The following CLNK variants were observed in gnomAD, a reference collection of about 807,000 sequenced individuals.
The protein encoded by CLNK is cytokine-dependent hematopoietic cell linker.
In CLNK, 74 loss-of-function variants were observed where a neutral mutation model predicts 68.6. The observed-to-expected ratio is 1.08, with a 90% CI of 0.89 to 1.31. The LOEUF is 1.31. CLNK is among the 50% of genes most tolerant of loss of function. The pLI is 0.00. For synonymous variants in CLNK, 198 were observed against 172.2 expected (o/e 1.15, Z -1.17); for missense variants, 553 against 515.3 (o/e 1.07, Z -0.71).
chr4:10,683,843 C>T (rs988087774), intron 1 of CLNK, among the ~76,000 whole-genome samples: 7 of 152,168 alleles, frequency 4.6e-5, no homozygotes, highest in East Asian at 1.9e-4. Context: ...TGAGGAGCTG[C>T]GCCACAGTAT....
intron 4 of CLNK, among the ~76,000 whole-genome samples, chr4:10,582,477 T>A (rs533418183): frequency 9.2e-5 from 14 of 152,330 alleles, no homozygotes; most frequent in African/African-American, 2.9e-4. Context: ...TTATTATACG[T>A]GGAGGCTTAA....
intron 18 of CLNK, among the ~76,000 whole-genome samples, chr4:10,498,067 T>A (rs1483738698): frequency 6.6e-6 from 1 of 152,206 alleles, no homozygotes. Flanking sequence ...TGGTGGCGTA[T>A]GCCTGTAATC....
upstream of CLNK, among the ~76,000 whole-genome samples, chr4:10,688,485 C>T (rs372710411): frequency 6.6e-6 from 1 of 152,118 alleles, no homozygotes; most frequent in Non-Finnish European, 1.5e-5. Flanking sequence ...TTTCCTGGTT[C>T]TTGCATGGCC....
chr4:10,541,192 C>T (rs764458658), intron 10 of CLNK, among the ~76,000 whole-genome samples: 8 of 129,150 alleles, frequency 6.2e-5, no homozygotes, highest in African/African-American at 8.6e-5. Context: ...CCAGCCTGGG[C>T]GACAGAGCCA....
At chr4:10,509,620 G>A (rs1029553715) in intron 16 of CLNK, among the ~76,000 whole-genome samples, 7 of 151,728 alleles carry the variant, frequency 4.6e-5, no homozygotes, top group African/African-American at 7.3e-5. Flanking sequence ...TGCCTCTTGG[G>A]TTCCAGAAGT....
chr4:10,512,276 G>C (rs1472715894), intron 16 of CLNK, among the ~76,000 whole-genome samples: 1 of 151,814 alleles, frequency 6.6e-6, no homozygotes, highest in African/African-American at 2.4e-5. Context: ...TGTTGCCCAG[G>C]CTGGAGTGCA....
At chr4:10,729,891 G>A in the CLNK span, among the ~76,000 whole-genome samples, 3 of 152,124 alleles carry the variant, frequency 2.0e-5, no homozygotes. Context: ...GATGCATGTT[G>A]GAAATTTTCC....
intron 14 of CLNK, among the ~76,000 whole-genome samples, chr4:10,523,378 C>T (rs998968726): frequency 6.6e-6 from 1 of 152,118 alleles, no homozygotes; most frequent in African/African-American, 2.4e-5. Context: ...AGGTGATTTG[C>T]AGAAGATAGG....
intron 2 of CLNK, among the ~76,000 whole-genome samples, chr4:10,663,756 C>T (rs756310146): frequency 1.3e-5 from 2 of 152,182 alleles, no homozygotes; most frequent in Non-Finnish European, 2.9e-5. Context: ...AACCCCTTAA[C>T]TTCATATGTT....
chr4:10,595,778 G>A (rs974354017), intron 3 of CLNK, among the ~76,000 whole-genome samples: 1 of 152,130 alleles, frequency 6.6e-6, no homozygotes, highest in Admixed American at 6.6e-5. Context: ...CCCTCTCTGG[G>A]CTGCATTCTT....
the CLNK span, among the ~76,000 whole-genome samples, chr4:10,695,311 T>C: frequency 6.6e-6 from 1 of 152,356 alleles, no homozygotes; most frequent in African/African-American, 2.4e-5. Context: ...TGGACAATTA[T>C]TATTTAATTG....
chr4:10,621,165 T>G (rs879798777), intron 2 of CLNK, among the ~76,000 whole-genome samples: 1 of 152,136 alleles, frequency 6.6e-6, no homozygotes, highest in East Asian at 1.9e-4. Context: ...AAGTGGCCGC[T>G]GCAGGCCAGA....
the CLNK span, among the ~76,000 whole-genome samples, chr4:10,734,459 GTC>G: frequency 1.3e-5 from 2 of 152,198 alleles, no homozygotes; most frequent in African/African-American, 4.8e-5. Context: ...CTCAGGACCA[GTC>G]TGTTGAGAAG....
chr4:10,580,666 T>C (rs1306352040), intron 4 of CLNK, among the ~76,000 whole-genome samples: 2 of 152,016 alleles, frequency 1.3e-5, no homozygotes, highest in East Asian at 3.9e-4. Flanking sequence ...ATTAAAAAAT[T>C]AAAAATAGAA....
At chr4:10,494,544 G>C (rs910398558) in intron 18 of CLNK, among the ~76,000 whole-genome samples, 1 of 149,900 alleles carries the variant, frequency 6.7e-6, no homozygotes, top group South Asian at 2.1e-4. Context: ...TGCAACCTCT[G>C]CCTCCTAGAT....
At chr4:10,655,036 T>G (rs945011761) in intron 2 of CLNK, among the ~76,000 whole-genome samples, 1 of 145,486 alleles carries the variant, frequency 6.9e-6, no homozygotes, top group Non-Finnish European at 1.5e-5. Context: ...AGGAGGCTGA[T>G]CTTGCAGTGA....
chr4:10,497,139 T>C lies in CLNK; in HGVS notation c.1140+4117A>G, dbSNP rs569898911. On this transcript the variant is annotated intron_variant, in intron 18 of 18. Coordinates refer to ENST00000226951, the MANE Select transcript of CLNK (RefSeq NM_052964.4). ...CTTTGGGCCAGATACTTAGTATTTC[T>C]GTGCCTCAGTTTCACAGTTTGTTAA... Among the ~76,000 whole-genome samples, 48 of 152,346 alleles carry C rather than the reference T, an allele frequency of 3.2e-4. 1 individual carries two copies. Among genetic ancestry groups the C allele is most frequent in the Middle Eastern group, 6.8e-3 (2 of 294 alleles).
At chr4:10,540,903 T>C (rs1277825703) in intron 10 of CLNK, among the ~76,000 whole-genome samples, 2 of 152,022 alleles carry the variant, frequency 1.3e-5, no homozygotes, top group Admixed American at 1.3e-4. Flanking sequence ...CCTGAGTTTT[T>C]AGAACTACCC....
At chr4:10,516,422 T>C (rs1717837999) in intron 15 of CLNK, among the ~76,000 whole-genome samples, 1 of 152,210 alleles carries the variant, frequency 6.6e-6, no homozygotes, top group Non-Finnish European at 1.5e-5. Flanking sequence ...AGCAAATACA[T>C]GCCATTTTCC....
Sources: allele counts gnomAD v4.1 joint callset (sites outside exome capture counted in the v4.1 genomes callset), GRCh38; gene constraint gnomAD v4.1.1; transcripts MANE v1.5; gene names NCBI Gene and HGNC (gene_info 2026-07-23, HGNC 2026-07-21).